TAB1: variants seen among roughly 807,000 people sequenced by gnomAD.
TAB1 encodes the protein TGF-beta-activated kinase 1 and MAP3K7-binding protein 1.
Under a neutral mutation model 54.5 loss-of-function variants are expected in TAB1, and 30 were observed. The observed-to-expected ratio is 0.55, with a 90% confidence interval of 0.41 to 0.75. The LOEUF (loss-of-function observed/expected upper bound fraction) is 0.75. Among genes scored for constraint, TAB1 ranks in the 30% least tolerant of loss-of-function variants. The pLI is 0.00. For missense variants in TAB1, 609 were observed against 683.2 expected (o/e 0.89, Z 1.21); for synonymous variants, 289 against 286.9 (o/e 1.01, Z -0.07).
chr22:39,430,689 G>T lies in TAB1; in HGVS notation c.*467G>T. 1 of 1,045,454 alleles carries T rather than the reference G, an allele frequency of 9.6e-7. No individual in the cohort carries two copies. Among genetic ancestry groups the T allele is most frequent in the Non-Finnish European group, 1.2e-6 (1 of 863,798 alleles). The allele number at this position is 1,045,454 out of a possible 1,614,324, so 64.8% of individuals were successfully genotyped here. The stretch of plus-strand genomic sequence containing the variant: ...CACTTCTCCAGCCTCTCAGCCCTGT[G>T]CTCCTGCATCCAGAGTGGAACCCAG... On this transcript the variant is annotated 3_prime_UTR_variant, in exon 11 of 11. Transcript: ENST00000216160.
downstream of TAB1, chr22:39,436,674 GGCCCC>G: frequency 1.1e-6 from 1 of 931,138 alleles, no homozygotes; most frequent in Non-Finnish European, 1.7e-6. Context: ...TGCCAGGCCA[GGCCCC>G]GCCCCCTCCC....
At chr22:39,419,109 A>T (rs1448419388) in intron 6 of TAB1, among the ~76,000 whole-genome samples, 1 of 152,232 alleles carries the variant, frequency 6.6e-6, no homozygotes, top group East Asian at 1.9e-4. Context: ...TGCATGTGAA[A>T]TGCTTCCTGG....
intron 10 of TAB1, chr22:39,429,297 T>C (rs1927483499): frequency 1.0e-6 from 1 of 985,226 alleles, no homozygotes; most frequent in African/African-American, 1.7e-5. Flanking sequence ...GAAGACACCT[T>C]GCCCGCCCTG....
chr22:39,431,406 C>G lies in TAB1; in HGVS notation c.*1184C>G, dbSNP rs557489275. 1.0e-6 allele frequency: 1 copy of G among 985,414 alleles called. No homozygotes were observed. Among genetic ancestry groups the G allele is most frequent in the South Asian group, 4.7e-5 (1 of 21,296 alleles). The allele number at this position is 985,414 out of a possible 1,614,324, so 61.0% of individuals were successfully genotyped here. A position where few individuals can be genotyped will look rare whatever the true frequency, so the allele number is the denominator to read the frequency against. On this transcript the variant is annotated 3_prime_UTR_variant, in exon 11 of 11. Coordinates refer to ENST00000216160, the MANE Select transcript of TAB1 (RefSeq NM_006116.3). ...ATCAGTGGGGCAGCCAGAGCTCAGA[C>G]CTGAGCCATTTTGTCAGTATCCAGG...
At chr22:39,436,761 C>T (rs561780227), downstream of TAB1, 168 of 596,268 alleles carry the variant, frequency 2.8e-4, no homozygotes, top group South Asian at 3.3e-3. Flanking sequence ...ATGGCCCATC[C>T]TTCAGGACCC....
At chr22:39,426,301 C>G (rs1239587873) in intron 8 of TAB1, among the ~76,000 whole-genome samples, 1 of 152,204 alleles carries the variant, frequency 6.6e-6, no homozygotes. Flanking sequence ...TGACAAAATC[C>G]TAGCATGTAT....
In TAB1 at chr22:39,428,001, C is replaced by T. The variant is rs1927423824; in HGVS notation, c.1145-20C>T. The T allele has an allele frequency of 6.4e-7, 1 of 1,563,374 alleles. No individual in the cohort carries two copies. Among genetic ancestry groups the T allele is most frequent in the Non-Finnish European group, 8.7e-7 (1 of 1,145,246 alleles). On this transcript the variant is annotated intron_variant, in intron 9 of 10. Coordinates refer to ENST00000216160, the MANE Select transcript of TAB1 (RefSeq NM_006116.3). ...TCTCCTCAGCTGCTGCCTGAGGCCC[C>T]CACTCTCTTCCTCCCAAAGCTGCAG...
intron 10 of TAB1, chr22:39,429,802 T>C: frequency 1.0e-6 from 1 of 985,224 alleles, no homozygotes; most frequent in South Asian, 4.7e-5. Context: ...TACCTTTAGT[T>C]CATTTAAGTA....
Position 39,409,295 on chromosome 22 carries a change from A to G in TAB1, c.34-5711A>G, listed in dbSNP as rs1177664951. ...GAAAAGGAGCTACCTTTGGAAGTAT[A>G]TTTGCCTGGTTATAGGAGACTTTTG... On this transcript the variant is annotated intron_variant, in intron 1 of 10. Coordinates refer to ENST00000216160, the MANE Select transcript of TAB1 (RefSeq NM_006116.3). Among the ~76,000 whole-genome samples the G allele has an allele frequency of 1.3e-5, 2 of 152,198 alleles. 1 individual carries two copies. Among genetic ancestry groups the G allele is most frequent in the Non-Finnish European group, 2.9e-5 (2 of 68,048 alleles).
At chr22:39,433,368 G>A (rs972268827), downstream of TAB1, 97 of 837,254 alleles carry the variant, frequency 1.2e-4, no homozygotes, top group African/African-American at 1.0e-3. Flanking sequence ...GGAGAATAGC[G>A]TGAACCTGGG....
chr22:39,436,571 G>A, downstream of TAB1: 1 of 1,612,454 alleles, frequency 6.2e-7, no homozygotes, highest in Non-Finnish European at 8.5e-7. Context: ...CCCCAGGGTA[G>A]GAAGGAAGCG....
intron 1 of TAB1, among the ~76,000 whole-genome samples, chr22:39,407,332 G>A (rs1926408568): frequency 6.6e-6 from 1 of 152,070 alleles, no homozygotes; most frequent in African/African-American, 2.4e-5. Context: ...GTTGCCAGGC[G>A]TACTGTCCTA....
chr22:39,432,179 G>T (rs578008075), downstream of TAB1, among the ~76,000 whole-genome samples: 1 of 152,384 alleles, frequency 6.6e-6, no homozygotes, highest in Non-Finnish European at 1.5e-5. Context: ...ATGGCCAGTG[G>T]CAGGGTTGTG....
chr22:39,413,349 C>T lies in TAB1; in HGVS notation c.34-1657C>T, dbSNP rs115691994. On this transcript the variant is annotated intron_variant, in intron 1 of 10. Transcript: ENST00000216160. ...CATCTTCCTTGCCAGTTTGGATGCC[C>T]TCTATTTCTTTCTCTTATCTGGTTG... Among the ~76,000 whole-genome samples, 1,062 of 152,128 alleles carry T rather than the reference C, an allele frequency of 7.0e-3. 13 individuals are homozygous for T. Among genetic ancestry groups the T allele is most frequent in the African/African-American group, 0.025 (1,028 of 41,504 alleles).
At chr22:39,412,215 T>A (rs1353472035) in intron 1 of TAB1, among the ~76,000 whole-genome samples, 1 of 152,144 alleles carries the variant, frequency 6.6e-6, no homozygotes, top group Non-Finnish European at 1.5e-5. Context: ...GATTTTTGTA[T>A]TTTCAGTAGA....
chr22:39,420,658 G>T (rs539559366), intron 7 of TAB1, among the ~76,000 whole-genome samples: 16 of 152,184 alleles, frequency 1.1e-4, no homozygotes, highest in African/African-American at 3.4e-4. Flanking sequence ...GTCTATACAG[G>T]GAAAGGAAGT....
rs1926760301 is a variant in TAB1, at chr22:39,414,992, G to C, written c.34-14G>C. The C allele has an allele frequency of 1.9e-6, 3 of 1,613,680 alleles. No individual in the cohort carries two copies. Among genetic ancestry groups the C allele is most frequent in the South Asian group, 1.1e-5 (1 of 91,070 alleles). On this transcript the variant is annotated splice_polypyrimidine_tract_variant and intron_variant, in intron 1 of 10. Transcript: ENST00000216160. Reference sequence around the variant, plus strand: ...CGCGGTGGCGTCTCACGGCTTCCTGGTGTCCTTCCCCAGGAGCAGCAGCCA... The same window carrying C: ...CGCGGTGGCGTCTCACGGCTTCCTGCTGTCCTTCCCCAGGAGCAGCAGCCA...
At chr22:39,420,694 G>A (rs1463426865) in intron 7 of TAB1, among the ~76,000 whole-genome samples, 1 of 151,938 alleles carries the variant, frequency 6.6e-6, no homozygotes, top group African/African-American at 2.4e-5. Flanking sequence ...TCTAGGACTC[G>A]CTGCCTCCCC....
intron 1 of TAB1, among the ~76,000 whole-genome samples, chr22:39,400,765 G>T (rs1403600019): frequency 6.6e-6 from 1 of 152,224 alleles, no homozygotes; most frequent in Non-Finnish European, 1.5e-5. Context: ...GCCGGGCGCG[G>T]TGGCTCATGC....
Sources: allele counts gnomAD v4.1 joint callset (sites outside exome capture counted in the v4.1 genomes callset), GRCh38; gene constraint gnomAD v4.1.1; transcripts MANE v1.5; gene names NCBI Gene and HGNC (gene_info 2026-07-23, HGNC 2026-07-21).